Variants in TUSC3 observed in about 807,000 individuals in gnomAD.
The protein encoded by TUSC3 is tumor suppressor candidate 3.
Under a neutral mutation model 44.8 loss-of-function variants are expected in TUSC3, and 45 were observed. The observed-to-expected ratio is 1.00, with a 90% CI of 0.79 to 1.29. The LOEUF (loss-of-function observed/expected upper bound fraction) is 1.29. TUSC3 is among the 50% of genes most tolerant of loss of function. The pLI is 0.00. For synonymous variants in TUSC3, 212 were observed against 152.9 expected, an observed-to-expected ratio of 1.39 and a Z score of -2.85; for missense variants, 519 against 437.9, an observed-to-expected ratio of 1.19 and a Z score of -1.65.
intron 6 of TUSC3, among the ~76,000 whole-genome samples, chr8:15,693,947 G>A (rs930120765): frequency 4.6e-5 from 7 of 151,896 alleles, no homozygotes; most frequent in Admixed American, 4.6e-4. Context: ...ACTTGCGATT[G>A]TATTCTGAAA....
chr8:15,667,261 G>A (rs1807704062), intron 5 of TUSC3, among the ~76,000 whole-genome samples: 1 of 151,586 alleles, frequency 6.6e-6, no homozygotes, highest in African/African-American at 2.4e-5. Context: ...TGACTGTAAA[G>A]ATACGTCTTA....
chr8:15,648,879 C>T (rs1195425456), intron 2 of TUSC3, among the ~76,000 whole-genome samples: 5 of 151,860 alleles, frequency 3.3e-5, no homozygotes, highest in Non-Finnish European at 7.4e-5. Context: ...ATGAAGAGCC[C>T]TTTGTGTTAC....
At chr8:15,631,995 C>G (rs1026744119) in intron 2 of TUSC3, among the ~76,000 whole-genome samples, 1 of 152,194 alleles carries the variant, frequency 6.6e-6, no homozygotes, top group Non-Finnish European at 1.5e-5. Context: ...GTGTGAGCCA[C>G]CGTACCCGGC....
chr8:15,818,917 A>C, the TUSC3 span, among the ~76,000 whole-genome samples: 3 of 152,166 alleles, frequency 2.0e-5, no homozygotes, highest in African/African-American at 7.2e-5. Flanking sequence ...AAGACAAGTC[A>C]ATATTGACAA....
intron 10 of TUSC3, among the ~76,000 whole-genome samples, chr8:15,759,141 G>C (rs17121915): frequency 0.025 from 3,743 of 152,200 alleles, 131 homozygotes; most frequent in African/African-American, 0.083. Flanking sequence ...AGGTCAATGG[G>C]CCGGAATGAA....
At chr8:15,744,499 T>TC (rs2129215105) in intron 8 of TUSC3, among the ~76,000 whole-genome samples, 2 of 152,222 alleles carry the variant, frequency 1.3e-5, no homozygotes, top group South Asian at 4.1e-4. Context: ...TATAGGTATC[T>TC]GAAAAAGAGT....
intron 2 of TUSC3, among the ~76,000 whole-genome samples, chr8:15,523,931 CT>C (rs1801338340): frequency 6.6e-6 from 1 of 151,218 alleles, no homozygotes; most frequent in Admixed American, 6.6e-5. Context: ...TGGCGCGCAC[CT>C]GTAGTCCCAT....
At chr8:15,802,622 A>T in the TUSC3 span, among the ~76,000 whole-genome samples, 330 of 151,746 alleles carry the variant, frequency 2.2e-3, 3 homozygotes, top group African/African-American at 7.8e-3. Context: ...CAAGAGGGGC[A>T]TGGCTATAAT....
At chr8:15,851,661 A>G in the TUSC3 span, among the ~76,000 whole-genome samples, 1 of 152,204 alleles carries the variant, frequency 6.6e-6, no homozygotes, top group Admixed American at 6.5e-5. Context: ...ACCGCTGCTC[A>G]GATCAAGGTT....
intron 6 of TUSC3, among the ~76,000 whole-genome samples, chr8:15,722,573 T>G (rs1810341293): frequency 6.6e-6 from 1 of 152,088 alleles, no homozygotes; most frequent in Admixed American, 6.6e-5. Context: ...ACAGGATGAC[T>G]GCAATTTGAA....
chr8:15,650,637 A>T, intron 2 of TUSC3, 60 bp from the exon 3 acceptor site: 1 of 1,455,060 alleles, frequency 6.9e-7, no homozygotes. Flanking sequence ...TGTTTTAATA[A>T]CTGCTTTGTA....
intron 1 of TUSC3, among the ~76,000 whole-genome samples, chr8:15,575,249 G>C (rs1803051624): frequency 6.6e-6 from 1 of 151,930 alleles, no homozygotes; most frequent in Non-Finnish European, 1.5e-5. Context: ...TTAACACTTT[G>C]TTTTAAAAGG....
downstream of TUSC3, among the ~76,000 whole-genome samples, chr8:15,771,316 G>T (rs911720039): frequency 3.9e-5 from 6 of 152,062 alleles, no homozygotes; most frequent in African/African-American, 1.4e-4. Context: ...ATAATCCCGT[G>T]GGCTTTTTGC....
At chr8:15,624,955 G>T (rs1267706161) in intron 2 of TUSC3, among the ~76,000 whole-genome samples, 1 of 151,938 alleles carries the variant, frequency 6.6e-6, no homozygotes, top group African/African-American at 2.4e-5. Flanking sequence ...TTGAAAGAAA[G>T]CACTCAATCT....
intron 1 of TUSC3, among the ~76,000 whole-genome samples, chr8:15,450,517 C>G (rs547122344): frequency 1.3e-5 from 2 of 152,110 alleles, no homozygotes; most frequent in African/African-American, 4.8e-5. Flanking sequence ...AACCCCATCT[C>G]TAGTAAAAAT....
At chr8:15,594,068 C>G (rs756642704) in intron 1 of TUSC3, among the ~76,000 whole-genome samples, 1 of 152,104 alleles carries the variant, frequency 6.6e-6, no homozygotes, top group Non-Finnish European at 1.5e-5. Context: ...CTTGTATACC[C>G]TTTCTCCCAG....
chr8:15,654,487 A>G (rs1585197333), intron 3 of TUSC3, among the ~76,000 whole-genome samples: 1 of 152,188 alleles, frequency 6.6e-6, no homozygotes. Flanking sequence ...TTATATATAC[A>G]TGTTGTATGT....
the TUSC3 span, among the ~76,000 whole-genome samples, chr8:15,818,606 AC>A: frequency 6.6e-6 from 1 of 152,230 alleles, no homozygotes; most frequent in Non-Finnish European, 1.5e-5. Context: ...TGTGACTGAC[AC>A]GGAGGATCAG....
intron 6 of TUSC3, among the ~76,000 whole-genome samples, chr8:15,686,248 A>G (rs1808623991): frequency 6.6e-6 from 1 of 152,198 alleles, no homozygotes; most frequent in Non-Finnish European, 1.5e-5. Context: ...AACAATATGC[A>G]TTTAATGAAA....
Sources: gnomAD v4.1 joint callset for allele counts (sites outside exome capture counted in the v4.1 genomes callset) on GRCh38, gnomAD v4.1.1 for gene constraint, MANE v1.5 for transcripts, NCBI Gene and HGNC (gene_info 2026-07-23, HGNC 2026-07-21) for gene names.